The following CDH6 variants were observed in gnomAD, a reference collection of about 807,000 sequenced individuals.
CDH6 encodes cadherin 6, also known as cadherin-6.
Under a neutral mutation model 78.0 loss-of-function variants are expected in CDH6, and 31 were observed. The ratio of observed to expected loss-of-function variants is 0.40; its 90% CI spans 0.30 to 0.54. The LOEUF (loss-of-function observed/expected upper bound fraction) is 0.54. Among genes scored for constraint, CDH6 ranks in the 20% least tolerant of loss-of-function variants. The probability of loss-of-function intolerance (pLI) is 0.56; values close to 1 mark genes in which losing one functional copy is unlikely to be tolerated. For missense variants in CDH6, 724 were observed against 975.9 expected (o/e 0.74, Z 3.44); for synonymous variants, 376 against 368.8 (o/e 1.02, Z -0.23).
In CDH6 at chr5:31,292,163, G is replaced by A. The variant is rs561972541; in HGVS notation, c.229-1799G>A. ...CAGTTTTCTTGACTCTACAATGATG[G>A]ATTTTAAATTAGTTCATGTTTCCCA... On this transcript the variant is annotated intron_variant, in intron 2 of 11. Transcript: ENST00000265071. Among the ~76,000 whole-genome samples the A allele has an allele frequency of 3.3e-5, 5 of 152,266 alleles. No homozygotes were observed. In the South Asian group the frequency reaches 1.0e-3, roughly 32 times the overall value.
rs569484033 is a variant in CDH6, at chr5:31,323,170, C to T, written c.2235C>T (p.Ser745=). ...LATYAYEGTG[S]VADSLSSLES... is the part of the protein sequence containing the mutation. ...CTTACGCCTATGAAGGCACTGGCTC[C>T]GTGGCGGATTCCCTGAGCTCGCTGG... Residue 745 remains serine (S), a synonymous_variant, in exon 12 of 12, where the codon TCC becomes TCT. Coordinates refer to ENST00000265071, the MANE Select transcript of CDH6 (RefSeq NM_004932.4). The T allele has an allele frequency of 1.2e-6, 2 of 1,614,164 alleles. No homozygotes were observed. The highest frequency in any genetic ancestry group is 1.3e-5 in the African/African-American group (1 of 75,038).
At chr5:31,209,627 G>C (rs1740636641) in intron 1 of CDH6, among the ~76,000 whole-genome samples, 1 of 152,108 alleles carries the variant, frequency 6.6e-6, no homozygotes, top group Non-Finnish European at 1.5e-5. Context: ...GTTTTCAGCT[G>C]GTATATTGGG....
intron 1 of CDH6, among the ~76,000 whole-genome samples, chr5:31,267,059 G>A (rs1249218024): frequency 6.6e-6 from 1 of 152,152 alleles, no homozygotes; most frequent in Non-Finnish European, 1.5e-5. Flanking sequence ...CAAGGTAAAA[G>A]AGTAGCGCAA....
At chr5:31,211,271 A>C (rs1484806480) in intron 1 of CDH6, among the ~76,000 whole-genome samples, 1 of 152,164 alleles carries the variant, frequency 6.6e-6, no homozygotes, top group East Asian at 1.9e-4. Context: ...CTATGTGAGC[A>C]CTTTCCATGC....
chr5:31,278,881 C>T (rs1742776318), intron 2 of CDH6, among the ~76,000 whole-genome samples: 1 of 152,080 alleles, frequency 6.6e-6, no homozygotes, highest in Non-Finnish European at 1.5e-5. Context: ...TAGAGAAAAT[C>T]CTGCTTTAAA....
intron 1 of CDH6, among the ~76,000 whole-genome samples, chr5:31,202,590 C>A (rs1278063232): frequency 6.6e-6 from 1 of 151,884 alleles, no homozygotes; most frequent in Non-Finnish European, 1.5e-5. Flanking sequence ...GAGCCCAGAT[C>A]ACGCCATTCT....
chr5:31,199,592 CACAT>C (rs1485806788), intron 1 of CDH6, among the ~76,000 whole-genome samples: 14 of 145,944 alleles, frequency 9.6e-5, no homozygotes, highest in South Asian at 2.1e-4. Context: ...TCTATACACA[CACAT>C]ATATATATCA....
chr5:31,271,381 A>C (rs370693524), intron 2 of CDH6, among the ~76,000 whole-genome samples: 48 of 152,296 alleles, frequency 3.2e-4, no homozygotes, highest in African/African-American at 9.9e-4. Flanking sequence ...ACTGAAGCAC[A>C]AGCAACTGCA....
chr5:31,302,800 G>A (rs1249053067), intron 6 of CDH6, among the ~76,000 whole-genome samples: 2 of 59,752 alleles, frequency 3.3e-5, no homozygotes, highest in Non-Finnish European at 6.6e-5. Flanking sequence ...GAGAGAGAGA[G>A]AAAGAAAGAA....
chr5:31,236,130 G>A (rs921726998), intron 1 of CDH6, among the ~76,000 whole-genome samples: 2 of 151,824 alleles, frequency 1.3e-5, no homozygotes, highest in Non-Finnish European at 2.9e-5. Context: ...TTTATTAATG[G>A]TGTATATACA....
intron 2 of CDH6, among the ~76,000 whole-genome samples, chr5:31,280,600 C>A (rs932794458): frequency 6.6e-6 from 1 of 152,034 alleles, no homozygotes; most frequent in African/African-American, 2.4e-5. Context: ...ATTTCAGATA[C>A]GGTGGGCAAA....
At chr5:31,245,455 G>A (rs761863043) in intron 1 of CDH6, among the ~76,000 whole-genome samples, 5 of 148,588 alleles carry the variant, frequency 3.4e-5, no homozygotes, top group African/African-American at 7.5e-5. Context: ...TGTCTTTCCC[G>A]TCAGCTTACA....
At chr5:31,221,727 A>G (rs1741008706) in intron 1 of CDH6, among the ~76,000 whole-genome samples, 1 of 152,202 alleles carries the variant, frequency 6.6e-6, no homozygotes, top group African/African-American at 2.4e-5. Flanking sequence ...CAGTTAATCA[A>G]TGCAAATGTC....
At chr5:31,302,351 G>A in intron 6 of CDH6, 53 bp downstream of exon 6, 1 of 1,312,370 alleles carries the variant, frequency 7.6e-7, no homozygotes. Flanking sequence ...CTTTTCTCCA[G>A]TTCCTAAGTT....
intron 1 of CDH6, among the ~76,000 whole-genome samples, chr5:31,202,480 C>CA (rs1295111729): frequency 2.0e-5 from 3 of 151,810 alleles, no homozygotes; most frequent in Admixed American, 6.6e-5. Context: ...ACTAAAAATA[C>CA]AAAAAACTTA....
At position 31,294,802 on chromosome 5, in the gene CDH6, C is replaced by T. The variant is rs1271488290; in HGVS notation, c.523+546C>T. Among the ~76,000 whole-genome samples the T allele has an allele frequency of 6.6e-6, 1 of 152,094 alleles. No homozygotes were observed. Among genetic ancestry groups the T allele is most frequent in the Non-Finnish European group, 1.5e-5 (1 of 68,002 alleles). On this transcript the variant is annotated intron_variant, in intron 3 of 11. Coordinates refer to ENST00000265071, the MANE Select transcript of CDH6 (RefSeq NM_004932.4). This position sits in a 1 kb window ranked among gnomAD's most constrained non-coding sequence, Gnocchi z 4.1. ...TACATGGTGGAAATGAAAAGACTTTCATAACATACATAGAGTGAATTAATA... is the reference window on the plus strand; with the variant it reads ...TACATGGTGGAAATGAAAAGACTTTTATAACATACATAGAGTGAATTAATA...
chr5:31,242,596 G>A (rs1225560160), intron 1 of CDH6, among the ~76,000 whole-genome samples: 1 of 151,672 alleles, frequency 6.6e-6, no homozygotes, highest in Non-Finnish European at 1.5e-5. Context: ...AGCATGCAGG[G>A]AAAGCAAATC....
intron 2 of CDH6, among the ~76,000 whole-genome samples, chr5:31,267,947 G>C (rs1293491035): frequency 6.6e-6 from 1 of 152,078 alleles, no homozygotes; most frequent in Non-Finnish European, 1.5e-5. Flanking sequence ...CATCCGCATA[G>C]GATTATCATA....
rs796428945 is a variant in CDH6 at position 31,243,523 on chromosome 5, A to C, written c.-128-23823A>C. On this transcript the variant is annotated intron_variant, in intron 1 of 11. Coordinates refer to ENST00000265071, the MANE Select transcript of CDH6 (RefSeq NM_004932.4). ...CCTCTCTCCCTAAGACTCACGTCTG[A>C]GTCCCTGGGGGACAAATCCAAGTGA... is the stretch of plus-strand genomic sequence containing the variant. Among the ~76,000 whole-genome samples the C allele has an allele frequency of 1.2e-4, 18 of 152,328 alleles. 1 individual carries two copies. Among genetic ancestry groups the C allele is most frequent in the African/African-American group, 4.1e-4 (17 of 41,578 alleles).
Sources: allele counts gnomAD v4.1 joint callset (sites outside exome capture counted in the v4.1 genomes callset), GRCh38; gene constraint gnomAD v4.1.1; non-coding constraint Gnocchi (gnomAD v3.1); transcripts MANE v1.5; gene names NCBI Gene and HGNC (gene_info 2026-07-23, HGNC 2026-07-21).